Variants in THRB observed in about 807,000 individuals in gnomAD.
The protein encoded by THRB is nuclear receptor subfamily 1 group A member 2.
In THRB, 12 loss-of-function variants were observed where a neutral mutation model predicts 47.8. The ratio of observed to expected loss-of-function variants is 0.25; its 90% confidence interval spans 0.16 to 0.41. The LOEUF (loss-of-function observed/expected upper bound fraction) is 0.41. Ranked by LOEUF, THRB falls within the 10% of genes least tolerant of loss-of-function variation. THRB has a pLI of 1.00. For synonymous variants in THRB, 218 were observed against 212.2 expected (o/e 1.03, Z -0.24); for missense variants, 348 against 589.2 (o/e 0.59, Z 4.24).
At chr3:24,196,213 TC>T (rs1354974336) in intron 4 of THRB, among the ~76,000 whole-genome samples, 1 of 152,136 alleles carries the variant, frequency 6.6e-6, no homozygotes, top group African/African-American at 2.4e-5. Flanking sequence ...CTTCTATAGT[TC>T]AGTTAAAGTT....
chr3:24,271,255 T>C (rs971169821), intron 3 of THRB, among the ~76,000 whole-genome samples: 6 of 152,220 alleles, frequency 3.9e-5, no homozygotes, highest in African/African-American at 1.4e-4. Flanking sequence ...TGAAACTGTA[T>C]GCATGCGGCT....
rs1325174280 is a variant in THRB, at chr3:24,378,576, C to G, written c.-260-41205G>C. Among the ~76,000 whole-genome samples, 3 of 152,102 alleles carry G rather than the reference C, an allele frequency of 2.0e-5. No homozygotes were observed. In the East Asian group the frequency reaches 5.8e-4, roughly 29 times the overall value. ...CTATAAAAACACTGTTATCTGTTTCCTGCCATGACGGTGCTCAAGGTTGGG... is the reference window on the plus strand; with the variant it reads ...CTATAAAAACACTGTTATCTGTTTCGTGCCATGACGGTGCTCAAGGTTGGG... On this transcript the variant is annotated intron_variant, in intron 1 of 10. Coordinates refer to ENST00000646209, the MANE Select transcript of THRB (RefSeq NM_001354712.2).
chr3:24,398,015 A>G (rs1362671564), intron 1 of THRB, among the ~76,000 whole-genome samples: 6 of 152,148 alleles, frequency 3.9e-5, no homozygotes, highest in Non-Finnish European at 7.4e-5. Context: ...TATACAACAA[A>G]ACAATAATTC....
chr3:24,252,143 A>G (rs771576414), intron 3 of THRB, among the ~76,000 whole-genome samples: 2 of 152,118 alleles, frequency 1.3e-5, no homozygotes, highest in Non-Finnish European at 2.9e-5. Flanking sequence ...GGGAAGTAAG[A>G]CTATATGAAT....
At chr3:24,189,078 A>G (rs558331789) in intron 5 of THRB, among the ~76,000 whole-genome samples, 1 of 151,950 alleles carries the variant, frequency 6.6e-6, no homozygotes, top group Non-Finnish European at 1.5e-5. Flanking sequence ...CTAAAAGACC[A>G]GTTCTTTTAT....
At position 24,193,602 on chromosome 3, in the gene THRB, A is replaced by G. The variant is rs1329481777; in HGVS notation, c.23-3268T>C. Among the ~76,000 whole-genome samples, 3 of 152,226 alleles carry G rather than the reference A, an allele frequency of 2.0e-5. No homozygotes were observed. In the East Asian group the frequency reaches 5.8e-4, roughly 29 times the overall value. On this transcript the variant is annotated intron_variant, in intron 4 of 10. Transcript: ENST00000646209. ...AAAAGTCAGGTGTTAATTAGATATT[A>G]TCTTGTAGATTGCAGGTATGGATGT...
At chr3:24,389,105 C>A (rs1412387361) in intron 1 of THRB, among the ~76,000 whole-genome samples, 1 of 152,192 alleles carries the variant, frequency 6.6e-6, no homozygotes, top group African/African-American at 2.4e-5. Context: ...CAGAAAGAAG[C>A]TGATCTCTCC....
chr3:24,290,332 G>A (rs990369544), intron 3 of THRB, among the ~76,000 whole-genome samples: 1 of 152,152 alleles, frequency 6.6e-6, no homozygotes, highest in Non-Finnish European at 1.5e-5. Context: ...TGCCTGCCAT[G>A]TTCTGCAAAC....
chr3:24,211,770 TCA>T (rs1328653025), intron 4 of THRB, among the ~76,000 whole-genome samples: 1 of 152,192 alleles, frequency 6.6e-6, no homozygotes, highest in East Asian at 1.9e-4. Flanking sequence ...ATCTTGTTCT[TCA>T]GACTCTTTGT....
chr3:24,344,999 C>T (rs1044852348), intron 1 of THRB, among the ~76,000 whole-genome samples: 1 of 152,078 alleles, frequency 6.6e-6, no homozygotes, highest in Non-Finnish European at 1.5e-5. Context: ...AATCTCTTGG[C>T]TTGCTCCCTA....
In THRB at chr3:24,171,537, G is replaced by A. The variant is rs961624230; in HGVS notation, c.283+18537C>T. ...GATTATGAGAAAACTGAATCCCAAG[G>A]GGATGAAGTGACTTGTCACATGGTA... On this transcript the variant is annotated intron_variant, in intron 5 of 10. Coordinates refer to ENST00000646209, the MANE Select transcript of THRB (RefSeq NM_001354712.2). 2.6e-5 allele frequency among the ~76,000 whole-genome samples: 4 copies of A among 152,272 alleles called. No homozygotes were observed. The East Asian group carries it at 7.7e-4, about 29-fold the overall frequency.
intron 10 of THRB, among the ~76,000 whole-genome samples, chr3:24,127,178 A>T (rs1377177357): frequency 6.6e-6 from 1 of 152,210 alleles, no homozygotes; most frequent in African/African-American, 2.4e-5. Flanking sequence ...CATATCTGGC[A>T]TACCCCAAAC....
intron 3 of THRB, among the ~76,000 whole-genome samples, chr3:24,258,944 C>T (rs925574094): frequency 1.3e-5 from 2 of 152,084 alleles, no homozygotes; most frequent in African/African-American, 4.8e-5. Context: ...CTCCAGAGAT[C>T]GCTTGATTCA....
intron 4 of THRB, among the ~76,000 whole-genome samples, chr3:24,196,393 T>C (rs1334782525): frequency 6.6e-6 from 1 of 151,374 alleles, no homozygotes; most frequent in African/African-American, 2.4e-5. Context: ...GAGATGTGGG[T>C]TTTCTGTAAA....
At chr3:24,314,032 G>A (rs1367895163) in intron 2 of THRB, among the ~76,000 whole-genome samples, 1 of 152,202 alleles carries the variant, frequency 6.6e-6, no homozygotes, top group Non-Finnish European at 1.5e-5. Context: ...TGACCTTTGA[G>A]AAGTACTAAG....
At chr3:24,482,311 G>A (rs1331144527) in intron 1 of THRB, among the ~76,000 whole-genome samples, 3 of 152,172 alleles carry the variant, frequency 2.0e-5, no homozygotes, top group Non-Finnish European at 4.4e-5. Flanking sequence ...CTTCCACAGT[G>A]CTGTGAAGTA....
At chr3:24,133,569 G>A in intron 8 of THRB, 107 bp from the exon 9 acceptor site, 1 of 1,024,004 alleles carries the variant, frequency 9.8e-7, no homozygotes, top group Non-Finnish European at 1.5e-6. Flanking sequence ...ATCCTGTACA[G>A]TTTCCAGTTT....
intron 1 of THRB, among the ~76,000 whole-genome samples, chr3:24,389,134 A>T (rs1249233721): frequency 1.3e-5 from 2 of 152,196 alleles, no homozygotes; most frequent in Non-Finnish European, 2.9e-5. Flanking sequence ...AAGCATAGCC[A>T]GCAGTGTGTT....
At chr3:24,232,423 C>A (rs544067027) in intron 3 of THRB, among the ~76,000 whole-genome samples, 1 of 152,272 alleles carries the variant, frequency 6.6e-6, no homozygotes, top group Non-Finnish European at 1.5e-5. Context: ...AGACTGGGGC[C>A]ATGAGAGAAG....
Sources: gnomAD v4.1 joint callset for allele counts (sites outside exome capture counted in the v4.1 genomes callset) on GRCh38, gnomAD v4.1.1 for gene constraint, MANE v1.5 for transcripts, NCBI Gene and HGNC (gene_info 2026-07-23, HGNC 2026-07-21) for gene names.